Variants in KIF3A observed in about 807,000 individuals in gnomAD.
KIF3A encodes the protein kinesin-like protein KIF3A.
KIF3A carries 27 observed loss-of-function variants against 92.6 expected under a neutral mutation model. That is an observed-to-expected ratio of 0.29 (90% CI 0.21 to 0.40). The LOEUF is 0.40. KIF3A is among the 10% of genes least tolerant of loss of function. KIF3A has a pLI of 1.00. For synonymous variants in KIF3A, 250 were observed against 275.4 expected, an observed-to-expected ratio of 0.91 and a Z score of 0.92; for missense variants, 581 against 872.6, an observed-to-expected ratio of 0.67 and a Z score of 4.21.
At chr5:132,705,498 A>G (rs529598441) in intron 11 of KIF3A, among the ~76,000 whole-genome samples, 2 of 152,154 alleles carry the variant, frequency 1.3e-5, no homozygotes, top group Non-Finnish European at 2.9e-5. Flanking sequence ...GCAGTAAAAT[A>G]AAAAGTTTTT....
Position 132,702,133 on chromosome 5 carries a change from C to T in KIF3A, c.1838G>A (p.Arg613Gln), listed in dbSNP as rs948621047. ...GTTATCAATAATAAGCATCTGAAGT[C>T]GAAGCTCCCGGCTAAGTTGCCGAAT... is the stretch of plus-strand genomic sequence containing the variant. ...ENIRQLSREL[R>Q]LQMLIIDNFI... is the part of the protein sequence containing the mutation. The change falls in exon 15 of 19, where the codon CGA becomes CAA. Residue 613 changes from arginine to glutamine, a missense_variant. Arg to Gln is a conservative substitution (Grantham distance 43). Around this residue, in one of 5 missense-constraint regions of KIF3A, gnomAD observed 112 missense variants for 144.3 expected, o/e 0.78. Transcript: ENST00000403231. The T allele has an allele frequency of 6.2e-7, 1 of 1,613,748 alleles. No homozygotes were observed. The highest frequency in any genetic ancestry group is 1.7e-5 in the Admixed American group (1 of 60,008).
At chr5:132,708,175 G>A (rs189325279) in intron 10 of KIF3A, among the ~76,000 whole-genome samples, 4 of 151,702 alleles carry the variant, frequency 2.6e-5, no homozygotes, top group Admixed American at 1.3e-4. Flanking sequence ...CTAGCTACTC[G>A]GGAAGCTGAG....
intron 2 of KIF3A, among the ~76,000 whole-genome samples, chr5:132,731,712 C>CT (rs1754236067): frequency 6.6e-6 from 1 of 150,462 alleles, no homozygotes. Context: ...TTGCAAACAA[C>CT]ATTTTTTTTT....
intron 15 of KIF3A, among the ~76,000 whole-genome samples, chr5:132,701,852 C>G (rs1261348962): frequency 6.6e-6 from 1 of 152,102 alleles, no homozygotes; most frequent in Non-Finnish European, 1.5e-5. Context: ...GGAATGGGAC[C>G]TACACCTTGA....
chr5:132,696,654 T>C lies in KIF3A; in HGVS notation c.2161A>G (p.Ile721Val), dbSNP rs1752846705. The C allele has an allele frequency of 1.2e-6, 2 of 1,610,662 alleles. No homozygotes were observed. The highest frequency in any genetic ancestry group is 1.7e-6 in the Non-Finnish European group (2 of 1,176,974). ...AACATTTACTGCAGTAAAGAGTCAA[T>C]TACAGTTTCAGGCTTTGCAGAACGC... ...RKRSAKPETVIDSLLQ is the reference protein window; with the variant it reads ...RKRSAKPETVVDSLLQ The change falls in exon 19 of 19, where the codon ATT (isoleucine) becomes GTT (valine). Residue 721 changes from isoleucine to valine, a missense_variant. Physicochemically the swap from Ile to Val is conservative, Grantham distance 29. Around this residue, in one of 5 missense-constraint regions of KIF3A, gnomAD observed 112 missense variants for 144.3 expected, o/e 0.78. Coordinates refer to ENST00000403231, the MANE Select transcript of KIF3A (RefSeq NM_001300791.2).
At chr5:132,727,395 G>T (rs1754069374) in intron 2 of KIF3A, among the ~76,000 whole-genome samples, 1 of 152,168 alleles carries the variant, frequency 6.6e-6, no homozygotes, top group East Asian at 1.9e-4. Flanking sequence ...CTAGGCACAG[G>T]AATTGTAATG....
At chr5:132,718,692 T>C (rs1284157927) in intron 5 of KIF3A, among the ~76,000 whole-genome samples, 1 of 152,182 alleles carries the variant, frequency 6.6e-6, no homozygotes, top group African/African-American at 2.4e-5. Flanking sequence ...AGTGGTGCTA[T>C]CTTGGCTCAC....
chr5:132,691,077 G>A (rs1170862931), downstream of KIF3A, among the ~76,000 whole-genome samples: 1 of 152,158 alleles, frequency 6.6e-6, no homozygotes, highest in Non-Finnish European at 1.5e-5. Flanking sequence ...AATAACCCAA[G>A]TAATGTTATT....
intron 11 of KIF3A, among the ~76,000 whole-genome samples, chr5:132,703,963 TA>T (rs566595374): frequency 2.0e-5 from 3 of 149,264 alleles, no homozygotes; most frequent in African/African-American, 4.9e-5. Flanking sequence ...AAATATAGGT[TA>T]AAAAAAAAGC....
chr5:132,727,467 CAAGT>C (rs1754073388), intron 2 of KIF3A, among the ~76,000 whole-genome samples: 1 of 151,692 alleles, frequency 6.6e-6, no homozygotes, highest in Admixed American at 6.6e-5. Context: ...ATCTGAAATA[CAAGT>C]AAGAATCAGA....
chr5:132,706,118 C>G (rs905196685), intron 11 of KIF3A, among the ~76,000 whole-genome samples: 11 of 151,996 alleles, frequency 7.2e-5, no homozygotes, highest in Non-Finnish European at 1.5e-4. Flanking sequence ...CAGGGCAGTC[C>G]TAATTGAATT....
At position 132,696,474 on chromosome 5, in the gene KIF3A, G is replaced by C. The variant is rs1452223677; in HGVS notation, c.*160C>G. 21 of 593,350 alleles carry C rather than the reference G, an allele frequency of 3.5e-5. No individual in the cohort carries two copies. The highest frequency in any genetic ancestry group is 6.1e-5 in the Non-Finnish European group (20 of 325,244). 36.8% of individuals were successfully genotyped at this position (593,350 alleles called of 1,614,324 possible). A position where few individuals can be genotyped will look rare whatever the true frequency, so the allele number is the denominator to read the frequency against. Reference sequence around the variant, plus strand: ...TTTTAATGTTATATTAATATATGTAGACTAAAAGTTCTTAAGCAAATTATT... The same window carrying C: ...TTTTAATGTTATATTAATATATGTACACTAAAAGTTCTTAAGCAAATTATT... On this transcript the variant is annotated 3_prime_UTR_variant, in exon 19 of 19. Transcript: ENST00000403231.
rs1279443924 is a variant in KIF3A, at chr5:132,724,853, ATATT to A, written c.510+1271_510+1274del. Among the ~76,000 whole-genome samples, 34 of 32,326 alleles carry A rather than the reference ATATT, an allele frequency of 1.1e-3. 1 individual carries two copies. The highest frequency in any genetic ancestry group is 3.7e-3 in the Non-Finnish European group (27 of 7,270). The allele number at this position is 32,326 out of a possible 152,430, so 21.2% of individuals were successfully genotyped here. A position where few individuals can be genotyped will look rare whatever the true frequency, so the allele number is the denominator to read the frequency against. ...TATATATATATATATATATATATAT[ATATT>A]AAAAAATCATTCTAAGAAAGGGATT... On this transcript the variant is annotated intron_variant, in intron 4 of 18. Transcript: ENST00000403231.
intron 8 of KIF3A, among the ~76,000 whole-genome samples, chr5:132,713,421 T>C (rs965066289): frequency 1.3e-5 from 2 of 152,200 alleles, no homozygotes; most frequent in South Asian, 4.1e-4. Context: ...ACTCTCCATA[T>C]CATGTTTGCA....
chr5:132,709,230 C>G (rs1333260572), intron 9 of KIF3A, among the ~76,000 whole-genome samples: 1 of 152,106 alleles, frequency 6.6e-6, no homozygotes, highest in Non-Finnish European at 1.5e-5. Context: ...GCAGATCCTA[C>G]TGGTCACCTA....
intron 4 of KIF3A, among the ~76,000 whole-genome samples, chr5:132,724,676 G>A (rs553925224): frequency 1.3e-4 from 20 of 151,010 alleles, no homozygotes; most frequent in African/African-American, 4.9e-4. Flanking sequence ...ATAGCATTAG[G>A]AGATATACCT....
intron 2 of KIF3A, among the ~76,000 whole-genome samples, chr5:132,733,560 G>A (rs1229881492): frequency 6.6e-6 from 1 of 152,196 alleles, no homozygotes; most frequent in Non-Finnish European, 1.5e-5. Flanking sequence ...TTGAGCCTAG[G>A]AGTTCAAGAC....
chr5:132,707,539 T>C (rs1753263073), intron 10 of KIF3A, among the ~76,000 whole-genome samples: 1 of 152,242 alleles, frequency 6.6e-6, no homozygotes, highest in Non-Finnish European at 1.5e-5. Flanking sequence ...CCCACTCAAA[T>C]ATTTTCGCAT....
At chr5:132,715,503 G>A (rs987100956) in intron 8 of KIF3A, among the ~76,000 whole-genome samples, 4 of 152,072 alleles carry the variant, frequency 2.6e-5, no homozygotes, top group Admixed American at 2.6e-4. Flanking sequence ...TTAAAAAGTG[G>A]TCATATGAAA....
Sources: gnomAD v4.1 joint callset for allele counts (sites outside exome capture counted in the v4.1 genomes callset) on GRCh38, gnomAD v4.1.1 for gene constraint, gnomAD v4.1.1 regional missense constraint, MANE v1.5 for transcripts, NCBI Gene and HGNC (gene_info 2026-07-23, HGNC 2026-07-21) for gene names.